Variants in CDH20 observed in about 807,000 individuals in gnomAD.
CDH20 encodes cadherin 20.
In CDH20, 29 loss-of-function variants were observed where a neutral mutation model predicts 74.2. The observed-to-expected ratio is 0.39, with a 90% CI of 0.29 to 0.53. The LOEUF (loss-of-function observed/expected upper bound fraction) is 0.53, where lower values mean the gene tolerates loss of function less well. Among genes scored for constraint, CDH20 ranks in the 20% least tolerant of loss-of-function variants. The pLI is 0.69. For synonymous variants in CDH20, 469 were observed against 405.4 expected, an observed-to-expected ratio of 1.16 and a Z score of -1.88; for missense variants, 988 against 1,048.3, an observed-to-expected ratio of 0.94 and a Z score of 0.79.
chr18:61,341,288 A>C (rs566786240), intron 1 of CDH20, among the ~76,000 whole-genome samples: 2 of 152,156 alleles, frequency 1.3e-5, no homozygotes, highest in Non-Finnish European at 2.9e-5. Flanking sequence ...TGAGCTGCAG[A>C]CTGCTATCAT....
intron 1 of CDH20, among the ~76,000 whole-genome samples, chr18:61,474,547 C>T (rs1051670553): frequency 2.0e-5 from 3 of 152,144 alleles, no homozygotes; most frequent in Admixed American, 1.3e-4. Flanking sequence ...GCTGGTTCCT[C>T]GGGATTCTAC....
chr18:61,507,571 TC>T lies in CDH20; in HGVS notation c.1017+13del, dbSNP rs1184126893. The T allele has an allele frequency of 6.3e-7, 1 of 1,590,646 alleles. No individual in the cohort carries two copies. Among genetic ancestry groups the T allele is most frequent in the Non-Finnish European group, 8.6e-7 (1 of 1,166,338 alleles). On this transcript the variant is annotated intron_variant, in intron 6 of 11. Coordinates refer to ENST00000262717, the MANE Select transcript of CDH20 (RefSeq NM_031891.4). ...ATAACTGTGAAGAAGGTAATCCAAC[TC>T]CTTTTTCTAAACCACTTTCATGGGT...
intron 7 of CDH20, among the ~76,000 whole-genome samples, chr18:61,530,580 T>G (rs1912603849): frequency 6.6e-6 from 1 of 152,140 alleles, no homozygotes; most frequent in Non-Finnish European, 1.5e-5. Flanking sequence ...TTATTAGGAC[T>G]TTTATAATCT....
chr18:61,439,714 C>T (rs1908963313), intron 1 of CDH20, among the ~76,000 whole-genome samples: 1 of 151,974 alleles, frequency 6.6e-6, no homozygotes, highest in South Asian at 2.1e-4. Flanking sequence ...GAAATATATT[C>T]CTATTTTTAT....
At chr18:61,443,615 C>G (rs985167956) in intron 1 of CDH20, among the ~76,000 whole-genome samples, 2 of 152,046 alleles carry the variant, frequency 1.3e-5, no homozygotes, top group African/African-American at 4.8e-5. Context: ...AGACAGGGAG[C>G]CCACAAAAGA....
intron 1 of CDH20, among the ~76,000 whole-genome samples, chr18:61,420,552 A>G (rs953034385): frequency 2.6e-5 from 4 of 152,132 alleles, no homozygotes; most frequent in African/African-American, 9.7e-5. Flanking sequence ...AGGAATTGAT[A>G]TTAGTTTTCA....
In CDH20 at chr18:61,353,345, C is replaced by G. The variant is rs1910372481; in HGVS notation, c.-153+19518C>G. ...CATCTACATGCTGTTCTCAATCTCT[C>G]TACATCTGACTACTCATCAAGGCTC... On this transcript the variant is annotated intron_variant, in intron 1 of 11. Coordinates refer to ENST00000262717, the MANE Select transcript of CDH20 (RefSeq NM_031891.4). This position sits in a 1 kb window ranked among gnomAD's most constrained non-coding sequence, Gnocchi z 4.6. Among the ~76,000 whole-genome samples, 1 of 152,306 alleles carries G rather than the reference C, an allele frequency of 6.6e-6. No homozygotes were observed. The highest frequency in any genetic ancestry group is 1.9e-4 in the East Asian group (1 of 5,188).
intron 1 of CDH20, among the ~76,000 whole-genome samples, chr18:61,477,567 G>A (rs1175196007): frequency 6.6e-6 from 1 of 152,136 alleles, no homozygotes; most frequent in East Asian, 1.9e-4. Context: ...TTCCAAGACA[G>A]TTGCATAGTA....
chr18:61,544,922 TA>T (rs1913181738), intron 9 of CDH20, 104 bp from the exon 10 acceptor site: 2 of 757,292 alleles, frequency 2.6e-6, no homozygotes, highest in South Asian at 1.5e-5. Flanking sequence ...ATCCTTCTCA[TA>T]AGGTAAAACA....
chr18:61,544,390 C>G (rs993090665), intron 9 of CDH20, among the ~76,000 whole-genome samples: 1 of 152,212 alleles, frequency 6.6e-6, no homozygotes, highest in African/African-American at 2.4e-5. Flanking sequence ...ATCACAAGGA[C>G]ACAGGGCCAG....
At chr18:61,442,946 T>C (rs1386583894) in intron 1 of CDH20, among the ~76,000 whole-genome samples, 1 of 151,928 alleles carries the variant, frequency 6.6e-6, no homozygotes, top group Non-Finnish European at 1.5e-5. Context: ...AGATTGGAAC[T>C]ACTTACTAGT....
intron 1 of CDH20, among the ~76,000 whole-genome samples, chr18:61,389,460 T>C (rs954658608): frequency 6.6e-6 from 1 of 152,190 alleles, no homozygotes; most frequent in Non-Finnish European, 1.5e-5. Flanking sequence ...GTATAGGAGA[T>C]ATGACATCAC....
At chr18:61,545,794 C>A (rs1913228958) in intron 10 of CDH20, among the ~76,000 whole-genome samples, 1 of 152,166 alleles carries the variant, frequency 6.6e-6, no homozygotes, top group African/African-American at 2.4e-5. Flanking sequence ...AGTTTTGGCA[C>A]TGAAACAGCT....
intron 1 of CDH20, among the ~76,000 whole-genome samples, chr18:61,403,737 G>A (rs1234282250): frequency 6.6e-6 from 1 of 152,122 alleles, no homozygotes; most frequent in Non-Finnish European, 1.5e-5. Flanking sequence ...AATACCATTT[G>A]AACCAACAAT....
intron 1 of CDH20, among the ~76,000 whole-genome samples, chr18:61,364,702 C>T (rs1230113090): frequency 6.6e-6 from 1 of 152,206 alleles, no homozygotes; most frequent in Non-Finnish European, 1.5e-5. Flanking sequence ...CATGTGATCT[C>T]TGCGCATGTC....
At chr18:61,529,195 T>C (rs937411167) in intron 7 of CDH20, among the ~76,000 whole-genome samples, 1 of 152,242 alleles carries the variant, frequency 6.6e-6, no homozygotes, top group Non-Finnish European at 1.5e-5. Context: ...GGAAGCCATC[T>C]GTCACATTAA....
At chr18:61,366,934 G>A (rs753613842) in intron 1 of CDH20, among the ~76,000 whole-genome samples, 3 of 152,144 alleles carry the variant, frequency 2.0e-5, no homozygotes, top group Non-Finnish European at 4.4e-5. Flanking sequence ...AATATACGAT[G>A]AATATATTAG....
intron 1 of CDH20, among the ~76,000 whole-genome samples, chr18:61,439,503 G>GA (rs1188639130): frequency 6.6e-6 from 1 of 151,998 alleles, no homozygotes; most frequent in Non-Finnish European, 1.5e-5. Context: ...ATAAATAATA[G>GA]GTGTTAGAGC....
At chr18:61,552,224 A>G (rs1012151001) in intron 11 of CDH20, among the ~76,000 whole-genome samples, 3 of 151,964 alleles carry the variant, frequency 2.0e-5, no homozygotes, top group Admixed American at 6.5e-5. Flanking sequence ...AGAAAATCTC[A>G]TAAGCTCTAC....
Sources: gnomAD v4.1 joint callset for allele counts (sites outside exome capture counted in the v4.1 genomes callset) on GRCh38, gnomAD v4.1.1 for gene constraint, Gnocchi (gnomAD v3.1) non-coding constraint, MANE v1.5 for transcripts, NCBI Gene and HGNC (gene_info 2026-07-23, HGNC 2026-07-21) for gene names.